Variants in MRPL28 observed in about 807,000 individuals in gnomAD.
MRPL28 encodes large ribosomal subunit protein bL28m.
In MRPL28, 25 loss-of-function variants were observed where a neutral mutation model predicts 26.2. The ratio of observed to expected loss-of-function variants is 0.95; its 90% CI spans 0.69 to 1.33. MRPL28 has a LOEUF of 1.33. Ranked by LOEUF, MRPL28 falls within the 40% of genes most tolerant of loss-of-function variation. The probability of loss-of-function intolerance (pLI) is 0.00; values close to 1 mark genes in which losing one functional copy is unlikely to be tolerated. For synonymous variants in MRPL28, 227 were observed against 140.1 expected, an observed-to-expected ratio of 1.62 and a Z score of -4.38; for missense variants, 432 against 327.2, an observed-to-expected ratio of 1.32 and a Z score of -2.47.
Position 368,504 on chromosome 16 carries a change from G to T in MRPL28, c.573C>A (p.Tyr191Ter), listed in dbSNP as rs771495092. The T allele has an allele frequency of 3.1e-6, 5 of 1,602,378 alleles. No individual in the cohort carries two copies. The highest frequency in any genetic ancestry group is 4.3e-6 in the Non-Finnish European group (5 of 1,172,584). Residue 191 changes from tyrosine to a stop codon, truncating the protein, a stop_gained, in exon 4 of 6, where the codon TAC becomes TAA. Transcript: ENST00000199706. LOFTEE classifies it high-confidence loss of function. Reference sequence around the variant, plus strand: ...GGAGCGGGACGGAAACCCTCACCTTGTACTTGTCGTAGATGGCTGCCCGCC... The same window carrying T: ...GGAGCGGGACGGAAACCCTCACCTTTTACTTGTCGTAGATGGCTGCCCGCC... ...PERRAAIYDK[Y>*]KEFAIPEEEA...
Position 367,768 on chromosome 16 carries a change from C to A in MRPL28, c.678G>T (p.Leu226=). The A allele has an allele frequency of 6.2e-7, 1 of 1,613,722 alleles. No homozygotes were observed. The highest frequency in any genetic ancestry group is 8.5e-7 in the Non-Finnish European group (1 of 1,179,972). ...RLLEEKDPVP[L]FKIYVAELIQ... is the part of the protein sequence containing the mutation. ...TCAGCTCCGCCACATAGATCTTGAA[C>A]AGGGGTACAGGGTCCTGAAGGAGAG... Residue 226 remains leucine, a synonymous_variant, in exon 6 of 6, where the codon CTG becomes CTT. Transcript: ENST00000199706.
chr16:367,590 C>G lies in MRPL28; in HGVS notation c.*85G>C, dbSNP rs1452835208. On this transcript the variant is annotated 3_prime_UTR_variant, in exon 6 of 6. Transcript: ENST00000199706. Reference sequence around the variant, plus strand: ...ACCCACTGCCCACCGGTGGCCCTCACAGCTCCCCGGGATCTGTGTCCTCAG... The same window carrying G: ...ACCCACTGCCCACCGGTGGCCCTCAGAGCTCCCCGGGATCTGTGTCCTCAG... 1.6e-6 allele frequency: 2 copies of G among 1,280,262 alleles called. No individual in the cohort carries two copies. The highest frequency in any genetic ancestry group is 3.0e-5 in the African/African-American group (2 of 67,700). 79.3% of individuals were successfully genotyped at this position (1,280,262 alleles called of 1,614,324 possible).
At chr16:369,809 G>T in intron 2 of MRPL28, 122 bp downstream of exon 2, 1 of 1,251,654 alleles carries the variant, frequency 8.0e-7, no homozygotes, top group Non-Finnish European at 1.1e-6. Context: ...CCGGAGATGT[G>T]TCGCCTCCAG....
At chr16:368,769 A>T in intron 3 of MRPL28, 134 bp from the exon 4 acceptor site, 1 of 1,357,752 alleles carries the variant, frequency 7.4e-7, no homozygotes. Context: ...GGGCCGCCTC[A>T]GCACCCCAGC....
intron 3 of MRPL28, 166 bp from the exon 4 acceptor site, chr16:368,801 G>A (rs144394257): frequency 2.8e-4 from 326 of 1,178,086 alleles, no homozygotes; most frequent in Middle Eastern, 2.4e-3. Flanking sequence ...GATCAGCACA[G>A]AAGCAAGTCC....
chr16:369,387 C>T (rs1317115257), intron 2 of MRPL28, 167 bp from the exon 3 acceptor site: 1 of 818,932 alleles, frequency 1.2e-6, no homozygotes, highest in African/African-American at 1.7e-5. Flanking sequence ...AGTGCCGCCC[C>T]AGCCCGACCC....
chr16:370,342 C>T lies in MRPL28; in HGVS notation c.-7-117G>A, dbSNP rs1417910014. The stretch of plus-strand genomic sequence containing the variant: ...CCCGGCCCCCGGCTCTCACCCGCTA[C>T]CCCGGCCCCCGGCTCTCACCCGCTA... On this transcript the variant is annotated intron_variant, in intron 1 of 5. Coordinates refer to ENST00000199706, the MANE Select transcript of MRPL28 (RefSeq NM_006428.5). 180 of 1,151,870 alleles carry T rather than the reference C, an allele frequency of 1.6e-4. No individual in the cohort carries two copies. In the African/African-American group the frequency reaches 2.4e-3, roughly 15 times the overall value. 71.4% of individuals were successfully genotyped at this position (1,151,870 alleles called of 1,614,324 possible). A position where few individuals can be genotyped will look rare whatever the true frequency, so the allele number is the denominator to read the frequency against.
rs1292609931 is a variant in MRPL28 at position 367,136 on chromosome 16, T to G, written c.*539A>C. Among the ~76,000 whole-genome samples the G allele has an allele frequency of 6.6e-6, 1 of 151,784 alleles. No homozygotes were observed. Among genetic ancestry groups the G allele is most frequent in the Non-Finnish European group, 1.5e-5 (1 of 67,946 alleles). On this transcript the variant is annotated 3_prime_UTR_variant, in exon 6 of 6. Transcript: ENST00000199706. ...AGGACAATCACTTGAACTCTGGAGG[T>G]GGAGGTTGTAGTGAGTCCAGATCGT...
Position 370,002 on chromosome 16 carries a change from G to A in MRPL28, c.217C>T (p.Pro73Ser). The A allele has an allele frequency of 6.2e-7, 1 of 1,613,236 alleles. No homozygotes were observed. The highest frequency in any genetic ancestry group is 8.5e-7 in the Non-Finnish European group (1 of 1,179,858). Residue 73 changes from proline to serine, a missense_variant, in exon 2 of 6, where the codon CCC becomes TCC. By Grantham distance (74) the Pro-to-Ser change is moderately conservative. Transcript: ENST00000199706. Reference sequence around the variant, plus strand: ...CCCCACAACCCCCGCTGGGATTCGGGGGGAAAGTAGATGGGAATGGGCACG... The same window carrying A: ...CCCCACAACCCCCGCTGGGATTCGGAGGGAAAGTAGATGGGAATGGGCACG... ...EDVPIPIYFP[P>S]ESQRGLWGGE...
At position 370,153 on chromosome 16, in the gene MRPL28, G is replaced by T; in HGVS notation, c.66C>A (p.Ser22=). The T allele has an allele frequency of 6.2e-7, 1 of 1,602,664 alleles. No homozygotes were observed. ...KRLQLREGIC[S]RLPGHYLRSL... ...AGCGCAGGTAGTGGCCGGGCAGGCG[G>T]GAACAGATGCCCTCCCGCAGCTGCA... Residue 22 remains serine (S), a synonymous_variant, in exon 2 of 6, where the codon TCC becomes TCA. Transcript: ENST00000199706.
In MRPL28 at chr16:369,306, C is replaced by A. The variant is rs2054294362; in HGVS notation, c.289-86G>T. On this transcript the variant is annotated intron_variant, in intron 2 of 5. Coordinates refer to ENST00000199706, the MANE Select transcript of MRPL28 (RefSeq NM_006428.5). The stretch of plus-strand genomic sequence containing the variant: ...CCAGGCAACTGCCCTCACCTCCCCC[C>A]CGGAGGCTCCATCACAGAACCACTG... The A allele has an allele frequency of 7.9e-6, 12 of 1,510,642 alleles. 1 individual carries two copies. Among genetic ancestry groups the A allele is most frequent in the South Asian group, 1.2e-5 (1 of 81,480 alleles). The allele number at this position is 1,510,642 out of a possible 1,614,324, so 93.6% of individuals were successfully genotyped here.
rs2054283455 is a variant in MRPL28, at chr16:368,586, C to T, written c.491G>A (p.Gly164Glu). 1.3e-6 allele frequency: 2 copies of T among 1,597,950 alleles called. No homozygotes were observed. Among genetic ancestry groups the T allele is most frequent in the Non-Finnish European group, 8.5e-7 (1 of 1,170,312 alleles). The change falls in exon 4 of 6, where the codon GGG becomes GAG. Residue 164 changes from glycine to glutamate, a missense_variant. Gly to Glu is a moderately conservative substitution (Grantham distance 98). Coordinates refer to ENST00000199706, the MANE Select transcript of MRPL28 (RefSeq NM_006428.5). ...CTGCCGGGCAAGCCGCAGCAGCATC[C>T]CTCGCTTCAGGTCCATCCCAAACTT... ...CSKFGMDLKR[G>E]MLLRLARQDP... is the part of the protein sequence containing the mutation.
At chr16:369,762 G>T in intron 2 of MRPL28, 169 bp downstream of exon 2, 2 of 916,168 alleles carry the variant, frequency 2.2e-6, no homozygotes, top group Non-Finnish European at 3.3e-6. Flanking sequence ...AGTCCTGTTT[G>T]CCAGAACTGC....
In MRPL28 at chr16:367,903, G is replaced by A; in HGVS notation, c.664-121C>T. ...GGGGCATGAGAGGCCCTGGAGGGCA[G>A]AGTCCTGTCGGTGAGATGAGGAACC... On this transcript the variant is annotated intron_variant, in intron 5 of 5. Transcript: ENST00000199706. The A allele has an allele frequency of 3.8e-6, 3 of 780,214 alleles. No homozygotes were observed. The Admixed American group carries it at 7.6e-5, about 20-fold the overall frequency. 48.3% of individuals were successfully genotyped at this position (780,214 alleles called of 1,614,324 possible).
intron 5 of MRPL28, 111 bp downstream of exon 5, chr16:368,217 G>T: frequency 7.7e-7 from 1 of 1,297,814 alleles, no homozygotes; most frequent in Non-Finnish European, 1.1e-6. Flanking sequence ...TCTTCCCCAA[G>T]CCCACCCAGT....
At position 370,135 on chromosome 16, in the gene MRPL28, G is replaced by A. The variant is rs761206016; in HGVS notation, c.84C>T (p.Tyr28=). The A allele has an allele frequency of 8.7e-6, 14 of 1,606,548 alleles. No homozygotes were observed. The highest frequency in any genetic ancestry group is 2.2e-5 in the East Asian group (1 of 44,628). ...EGICSRLPGH[Y]LRSLEEERTP... is the part of the protein sequence containing the mutation. ...TCCGCTCCTCCTCCAGGGAGCGCAGGTAGTGGCCGGGCAGGCGGGAACAGA... is the reference window on the plus strand; with the variant it reads ...TCCGCTCCTCCTCCAGGGAGCGCAGATAGTGGCCGGGCAGGCGGGAACAGA... Residue 28 remains tyrosine, a synonymous_variant, in exon 2 of 6, where the codon TAC becomes TAT. Coordinates refer to ENST00000199706, the MANE Select transcript of MRPL28 (RefSeq NM_006428.5).
intron 3 of MRPL28, 51 bp downstream of exon 3, chr16:369,017 G>A (rs1048994845): frequency 6.3e-7 from 1 of 1,588,672 alleles, no homozygotes; most frequent in African/African-American, 1.3e-5. Context: ...CCGTGAGTCT[G>A]ACTGGCCCAT....
rs576120842 is a variant in MRPL28 at position 367,458 on chromosome 16, G to A, written c.*217C>T. On this transcript the variant is annotated 3_prime_UTR_variant, in exon 6 of 6. Coordinates refer to ENST00000199706, the MANE Select transcript of MRPL28 (RefSeq NM_006428.5). ...CACAAGGAACACTGCCGCAAACGTC[G>A]GGGCCCAGCCTGAGAGGAGCCTCTG... 17 of 715,490 alleles carry A rather than the reference G, an allele frequency of 2.4e-5. 1 individual carries two copies. The highest frequency in any genetic ancestry group is 1.4e-4 in the Admixed American group (7 of 49,882). The allele number at this position is 715,490 out of a possible 1,614,324, so 44.3% of individuals were successfully genotyped here.
chr16:370,286 CCTACCCCGGCCCCCGACTCTCACCCG>C (rs1567320551), intron 1 of MRPL28, 61 bp from the exon 2 acceptor site: 95 of 1,215,256 alleles, frequency 7.8e-5, no homozygotes, highest in African/African-American at 5.9e-4. Flanking sequence ...GCACTCACCC[CCTACCCCGGCCCCCGACTCTCACCCG>C]CTACCCCGGC....
Sources: gnomAD v4.1 joint callset for allele counts (sites outside exome capture counted in the v4.1 genomes callset) on GRCh38, gnomAD v4.1.1 for gene constraint, MANE v1.5 for transcripts, NCBI Gene and HGNC (gene_info 2026-07-23, HGNC 2026-07-21) for gene names.